The following PDE3A variants were observed in gnomAD, a reference collection of about 807,000 sequenced individuals.
PDE3A encodes the protein phosphodiesterase 3A.
A neutral mutation model predicts 98.3 loss-of-function variants in PDE3A; 43 were observed. The ratio of observed to expected loss-of-function variants is 0.44; its 90% CI spans 0.34 to 0.56. PDE3A has a LOEUF of 0.56. PDE3A is among the 20% of genes least tolerant of loss of function. The probability of loss-of-function intolerance (pLI) is 0.01; values close to 1 mark genes in which losing one functional copy is unlikely to be tolerated. For missense variants in PDE3A, 1,427 were observed against 1,440.7 expected (o/e 0.99, Z 0.15); for synonymous variants, 663 against 567.9 (o/e 1.17, Z -2.38).
intron 15 of PDE3A, among the ~76,000 whole-genome samples, chr12:20,674,002 A>T (rs1172375862): frequency 6.6e-6 from 1 of 152,064 alleles, no homozygotes; most frequent in South Asian, 2.1e-4. Context: ...AACGTGTTTC[A>T]TCAGATTTTT....
chr12:20,453,844 A>G (rs1945110105), intron 1 of PDE3A, among the ~76,000 whole-genome samples: 1 of 151,892 alleles, frequency 6.6e-6, no homozygotes, highest in Admixed American at 6.6e-5. Context: ...TCACCATTTA[A>G]CTATCTACAC....
chr12:20,470,457 G>A (rs1376205293), intron 1 of PDE3A, among the ~76,000 whole-genome samples: 2 of 149,140 alleles, frequency 1.3e-5, no homozygotes, highest in African/African-American at 5.2e-5. Flanking sequence ...ACTGTAATGA[G>A]AGGTTTGAAC....
chr12:20,500,846 C>A (rs1392643264), intron 1 of PDE3A, among the ~76,000 whole-genome samples: 1 of 150,836 alleles, frequency 6.6e-6, no homozygotes. Context: ...CAGCTCACTG[C>A]AGCCTCGACC....
Position 20,552,550 on chromosome 12 carries a change from A to G in PDE3A, c.961-4110A>G. ...GCAGGAGGGGGGCTTCGCGTCCCCC[A>G]GGACGGGCAAGGGCAAGTGGAAGCG... On this transcript the variant is annotated intron_variant, in intron 1 of 15. Coordinates refer to ENST00000359062, the MANE Select transcript of PDE3A (RefSeq NM_000921.5). The surrounding 1 kb of genome is among the most constrained non-coding windows in gnomAD (Gnocchi z 5.1). The G allele has an allele frequency of 3.1e-6, 5 of 1,613,628 alleles. No individual in the cohort carries two copies. The highest frequency in any genetic ancestry group is 1.3e-5 in the African/African-American group (1 of 75,022).
intron 1 of PDE3A, among the ~76,000 whole-genome samples, chr12:20,464,036 T>A (rs1229734682): frequency 6.6e-6 from 1 of 152,180 alleles, no homozygotes; most frequent in Non-Finnish European, 1.5e-5. Context: ...ACCACTTAGT[T>A]TAGGTTGTTA....
intron 1 of PDE3A, among the ~76,000 whole-genome samples, chr12:20,445,637 T>G (rs955287100): frequency 1.3e-5 from 2 of 152,192 alleles, no homozygotes; most frequent in South Asian, 2.1e-4. Context: ...TAACAAAATT[T>G]TGGAACGATC....
At chr12:20,405,852 C>G (rs1209536724) in intron 1 of PDE3A, among the ~76,000 whole-genome samples, 1 of 152,136 alleles carries the variant, frequency 6.6e-6, no homozygotes, top group Non-Finnish European at 1.5e-5. Context: ...CATCTTGTAA[C>G]TGAAAGTTTC....
intron 1 of PDE3A, among the ~76,000 whole-genome samples, chr12:20,373,067 G>A (rs141151835): frequency 1.3e-5 from 2 of 152,064 alleles, no homozygotes; most frequent in East Asian, 1.9e-4. Flanking sequence ...AGAACTGTAA[G>A]TCTGTAGCAC....
chr12:20,407,892 A>G (rs1307634157), intron 1 of PDE3A, among the ~76,000 whole-genome samples: 1 of 151,820 alleles, frequency 6.6e-6, no homozygotes, highest in Non-Finnish European at 1.5e-5. Flanking sequence ...TCTTGTACTG[A>G]AGTGTAGTAA....
chr12:20,616,104 G>C lies in PDE3A; in HGVS notation c.1270-126G>C, dbSNP rs897621129. 20 of 689,944 alleles carry C rather than the reference G, an allele frequency of 2.9e-5. No individual in the cohort carries two copies. In the Admixed American group the frequency reaches 5.7e-4, roughly 20 times the overall value. 42.7% of individuals were successfully genotyped at this position (689,944 alleles called of 1,614,324 possible). A position where few individuals can be genotyped will look rare whatever the true frequency, so the allele number is the denominator to read the frequency against. On this transcript the variant is annotated intron_variant, in intron 3 of 15. Transcript: ENST00000359062. ...GAGCACTCAAATTTTAGATAGATAG[G>C]TGATATTAAACCAATGTAATTTAGT...
chr12:20,527,758 T>G (rs1946551500), intron 1 of PDE3A, among the ~76,000 whole-genome samples: 1 of 152,188 alleles, frequency 6.6e-6, no homozygotes, highest in Non-Finnish European at 1.5e-5. Flanking sequence ...GAATAAAGGT[T>G]TATACTGGCA....
At chr12:20,463,649 AT>A (rs1416507760) in intron 1 of PDE3A, among the ~76,000 whole-genome samples, 1 of 152,158 alleles carries the variant, frequency 6.6e-6, no homozygotes, top group Non-Finnish European at 1.5e-5. Flanking sequence ...TTTCTGAAAG[AT>A]TAGTGAATCT....
In PDE3A at chr12:20,685,913, T is replaced by C. The variant is rs547840011; in HGVS notation, c.*5642T>C. ...AAGAGTAATAATAAATCACCATAGG[T>C]AAGTATTCTCAAGAATGTTTAAATT... is the stretch of plus-strand genomic sequence containing the variant. On this transcript the variant is annotated 3_prime_UTR_variant, in exon 16 of 16. Coordinates refer to ENST00000359062, the MANE Select transcript of PDE3A (RefSeq NM_000921.5). 1.3e-5 allele frequency among the ~76,000 whole-genome samples: 2 copies of C among 152,266 alleles called. No individual in the cohort carries two copies. The highest frequency in any genetic ancestry group is 4.8e-5 in the African/African-American group (2 of 41,572).
intron 15 of PDE3A, 119 bp from the exon 16 acceptor site, chr12:20,679,909 TAA>T (rs1945731582): frequency 3.6e-5 from 1 of 27,488 alleles, no homozygotes; most frequent in East Asian, 2.3e-3. Context: ...ATATATAATA[TAA>T]TATAATATAA....
chr12:20,452,202 C>T (rs868052298), intron 1 of PDE3A, among the ~76,000 whole-genome samples: 6 of 152,186 alleles, frequency 3.9e-5, no homozygotes, highest in South Asian at 2.1e-4. Context: ...TAGTCTAACG[C>T]GTGCAGATGC....
At chr12:20,421,794 C>A (rs1944516224) in intron 1 of PDE3A, among the ~76,000 whole-genome samples, 1 of 151,962 alleles carries the variant, frequency 6.6e-6, no homozygotes. Flanking sequence ...GAATAGCTGG[C>A]CTTTGAAGTG....
At chr12:20,667,840 G>C (rs1417137010) in intron 15 of PDE3A, among the ~76,000 whole-genome samples, 2 of 152,160 alleles carry the variant, frequency 1.3e-5, no homozygotes, top group Non-Finnish European at 1.5e-5. Context: ...GATTGCGGGG[G>C]AGGAGCCAAG....
chr12:20,452,427 A>G (rs1344888778), intron 1 of PDE3A, among the ~76,000 whole-genome samples: 1 of 152,192 alleles, frequency 6.6e-6, no homozygotes, highest in African/African-American at 2.4e-5. Flanking sequence ...TCATTAAATC[A>G]TTCACCAAGT....
intron 15 of PDE3A, among the ~76,000 whole-genome samples, chr12:20,658,296 A>C (rs1945087183): frequency 6.6e-6 from 1 of 152,170 alleles, no homozygotes; most frequent in African/African-American, 2.4e-5. Flanking sequence ...CCAGTTCTTC[A>C]AACTTTGCTT....
Sources: gnomAD v4.1 joint callset for allele counts (sites outside exome capture counted in the v4.1 genomes callset) on GRCh38, gnomAD v4.1.1 for gene constraint, Gnocchi (gnomAD v3.1) non-coding constraint, MANE v1.5 for transcripts, NCBI Gene and HGNC (gene_info 2026-07-23, HGNC 2026-07-21) for gene names.